Variants in LYPLA1 observed in about 807,000 individuals in gnomAD.
The protein encoded by LYPLA1 is acyl-protein thioesterase 1.
LYPLA1 carries 17 observed loss-of-function variants against 34.0 expected under a neutral mutation model. That is an observed-to-expected ratio of 0.50 (90% confidence interval 0.34 to 0.75). LYPLA1 has a LOEUF of 0.75. Among genes scored for constraint, LYPLA1 ranks in the 30% least tolerant of loss-of-function variants. The pLI is 0.01. For synonymous variants in LYPLA1, 98 were observed against 100.8 expected (o/e 0.97, Z 0.17); for missense variants, 203 against 288.8 (o/e 0.70, Z 2.15).
chr8:54,075,880 A>T (rs1283498006), intron 2 of LYPLA1, among the ~76,000 whole-genome samples: 12 of 152,222 alleles, frequency 7.9e-5, no homozygotes, highest in African/African-American at 2.9e-4. Context: ...TGCACTGCAG[A>T]ACAGGCAGAG....
rs754738617 is a variant in LYPLA1 at position 54,050,991 on chromosome 8, T to A, written c.639+21A>T. ...AAAAAAGTTACAAATATGGCGCTGATCACTGCTTCTAGACACCTACCTGTT... is the reference window on the plus strand; with the variant it reads ...AAAAAAGTTACAAATATGGCGCTGAACACTGCTTCTAGACACCTACCTGTT... On this transcript the variant is annotated intron_variant, in intron 8 of 8. Transcript: ENST00000316963. 1.0e-5 allele frequency: 16 copies of A among 1,570,262 alleles called. No homozygotes were observed. In the African/African-American group the frequency reaches 2.0e-4, roughly 20 times the overall value.
chr8:54,063,443 CA>C, intron 3 of LYPLA1, 68 bp from the exon 4 acceptor site: 1 of 959,894 alleles, frequency 1.0e-6, no homozygotes, highest in Non-Finnish European at 1.6e-6. Context: ...TTCCATTAAT[CA>C]AAAACAGATA....
At chr8:54,091,570 A>G (rs201842905) in intron 2 of LYPLA1, among the ~76,000 whole-genome samples, 44,384 of 132,698 alleles carry the variant, frequency 0.33, 9,660 homozygotes, top group East Asian at 0.73. Context: ...AAGGAAGGAA[A>G]GAAAGAAAGA....
Position 54,094,306 on chromosome 8 carries a change from T to G in LYPLA1, c.101+6602A>C, listed in dbSNP as rs76391589. Among the ~76,000 whole-genome samples the G allele has an allele frequency of 8.0e-3, 1,219 of 152,288 alleles. 15 individuals are homozygous for G. Among genetic ancestry groups the G allele is most frequent in the African/African-American group, 0.027 (1,131 of 41,560 alleles). ...GCCTTTCCTCCTCCTCGTTTCCCCT[T>G]AATTGGAACTGAGCTTTCAGGTGTG... On this transcript the variant is annotated intron_variant, in intron 2 of 8. Transcript: ENST00000316963.
chr8:54,086,354 C>G (rs1808764583), intron 2 of LYPLA1, among the ~76,000 whole-genome samples: 2 of 149,514 alleles, frequency 1.3e-5, no homozygotes, highest in Non-Finnish European at 3.0e-5. Context: ...ATCTGCTGAC[C>G]TTCCCTCCAC....
intron 8 of LYPLA1, among the ~76,000 whole-genome samples, chr8:54,048,976 C>CA (rs567643378): frequency 6.4e-4 from 97 of 152,248 alleles, no homozygotes; most frequent in African/African-American, 2.2e-3. Flanking sequence ...ATTTGTGATA[C>CA]AAAGCCCATG....
At chr8:54,097,666 T>C (rs1453891433) in intron 2 of LYPLA1, among the ~76,000 whole-genome samples, 1 of 152,248 alleles carries the variant, frequency 6.6e-6, no homozygotes, top group Non-Finnish European at 1.5e-5. Context: ...CAGTCAACTG[T>C]GGTTCGAAAA....
At chr8:54,060,683 T>C (rs1226344929) in intron 5 of LYPLA1, among the ~76,000 whole-genome samples, 4 of 150,572 alleles carry the variant, frequency 2.7e-5, no homozygotes, top group South Asian at 4.2e-4. Context: ...AACAACTTTT[T>C]TCTTCCTTTT....
At chr8:54,085,020 CCCTCTT>C (rs1382749514) in intron 2 of LYPLA1, among the ~76,000 whole-genome samples, 6 of 150,808 alleles carry the variant, frequency 4.0e-5, no homozygotes, top group Admixed American at 6.6e-5. Context: ...CTCTCCCTCT[CCCTCTT>C]TGCACAGTCT....
intron 2 of LYPLA1, among the ~76,000 whole-genome samples, chr8:54,075,100 GA>G (rs1400846967): frequency 6.6e-6 from 1 of 152,180 alleles, no homozygotes; most frequent in Non-Finnish European, 1.5e-5. Flanking sequence ...TGCAAAAGCA[GA>G]AAGGAGACAG....
intron 5 of LYPLA1, among the ~76,000 whole-genome samples, chr8:54,058,982 GTCTGAT>G (rs1366809535): frequency 6.6e-6 from 1 of 152,138 alleles, no homozygotes; most frequent in African/African-American, 2.4e-5. Flanking sequence ...TCCTGGCTGA[GTCTGAT>G]TCTAATTTTC....
chr8:54,101,480 C>G, intron 1 of LYPLA1: 8 of 1,113,998 alleles, frequency 7.2e-6, no homozygotes, highest in Non-Finnish European at 8.8e-6. Flanking sequence ...CAGAGGCTGA[C>G]GCCGTGCCCT....
chr8:54,046,107 G>C (rs907905330), downstream of LYPLA1, among the ~76,000 whole-genome samples: 3 of 152,046 alleles, frequency 2.0e-5, no homozygotes, highest in East Asian at 5.8e-4. Context: ...TTAAGAAAAA[G>C]ACAAAAGATA....
At chr8:54,062,463 A>T (rs150574601) in intron 4 of LYPLA1, 139 bp from the exon 5 acceptor site, 369 of 321,052 alleles carry the variant, frequency 1.1e-3, no homozygotes, top group African/African-American at 7.5e-3. Flanking sequence ...CTATTTAATT[A>T]ATTTATTTTT....
At chr8:54,082,497 T>A (rs1174627168) in intron 2 of LYPLA1, among the ~76,000 whole-genome samples, 1 of 152,178 alleles carries the variant, frequency 6.6e-6, no homozygotes, top group Non-Finnish European at 1.5e-5. Flanking sequence ...TACTTTTTTT[T>A]TGGTAGAGAC....
At chr8:54,054,467 C>T (rs1244304922) in intron 6 of LYPLA1, 1 of 151,792 alleles carries the variant, frequency 6.6e-6, no homozygotes, top group East Asian at 1.9e-4. Context: ...TAAGGTAATC[C>T]AAACATCTCC....
intron 3 of LYPLA1, 132 bp downstream of exon 3, chr8:54,065,615 TA>T: frequency 7.0e-6 from 4 of 574,232 alleles, no homozygotes; most frequent in Non-Finnish European, 1.2e-5. Flanking sequence ...GGAATTCTAC[TA>T]ATCTTTATTT....
At position 54,048,110 on chromosome 8, in the gene LYPLA1, C is replaced by G; in HGVS notation, c.648G>C (p.Met216Ile). 3 of 1,607,060 alleles carry G rather than the reference C, an allele frequency of 1.9e-6. No individual in the cohort carries two copies. The highest frequency in any genetic ancestry group is 2.6e-6 in the Non-Finnish European group (3 of 1,174,148). ...MMHSSCQQEM[M>I]DVKQFIDKLL... ...GTTTATCAATGAATTGCTTGACATC[C>G]ATCATTTCCTGTTTGGAATAAAGTA... is the stretch of plus-strand genomic sequence containing the variant. Residue 216 changes from methionine (M) to isoleucine (I), a missense_variant, in exon 9 of 9, where the codon ATG becomes ATC. Transcript: ENST00000316963.
intron 2 of LYPLA1, among the ~76,000 whole-genome samples, chr8:54,085,133 C>T (rs1266446621): frequency 1.3e-5 from 2 of 152,232 alleles, no homozygotes; most frequent in Non-Finnish European, 2.9e-5. Flanking sequence ...GCCGAAGGCG[C>T]GCACTGCCAC....
Sources: allele counts gnomAD v4.1 joint callset (sites outside exome capture counted in the v4.1 genomes callset), GRCh38; gene constraint gnomAD v4.1.1; transcripts MANE v1.5; gene names NCBI Gene and HGNC (gene_info 2026-07-23, HGNC 2026-07-21).